Variants in PIK3C2G observed in about 807,000 individuals in gnomAD.
PIK3C2G encodes the protein phosphatidylinositol-4-phosphate 3-kinase catalytic subunit type 2 gamma.
PIK3C2G carries 168 observed loss-of-function variants against 181.1 expected under a neutral mutation model. The ratio of observed to expected loss-of-function variants is 0.93; its 90% CI spans 0.82 to 1.05. The LOEUF is 1.05. PIK3C2G is among the 50% of genes least tolerant of loss of function. The probability of loss-of-function intolerance (pLI) is 0.00; values close to 1 mark genes in which losing one functional copy is unlikely to be tolerated. For missense variants in PIK3C2G, 1,869 were observed against 1,732.8 expected, an observed-to-expected ratio of 1.08 and a Z score of -1.40; for synonymous variants, 573 against 592.2, an observed-to-expected ratio of 0.97 and a Z score of 0.47.
At chr12:18,696,343 T>TATAC in the PIK3C2G span, 2 of 243,304 alleles carry the variant, frequency 8.2e-6, no homozygotes, top group Non-Finnish European at 7.1e-6. Flanking sequence ...TATATATATA[T>TATAC]ATATATATCA....
chr12:18,597,857 GACAA>G (rs1233688077), intron 30 of PIK3C2G, among the ~76,000 whole-genome samples: 4 of 151,894 alleles, frequency 2.6e-5, no homozygotes, highest in African/African-American at 4.8e-5. Context: ...ACCAATAACA[GACAA>G]ACAGAGAGCC....
Position 18,426,363 on chromosome 12 carries a change from C to T in PIK3C2G, c.2504+2324C>T, listed in dbSNP as rs563241310. ...ATAATTGAGAGTTAAGAATAAAATC[C>T]TTCTAATGTTAAAAACTCACTTATT... On this transcript the variant is annotated intron_variant, in intron 18 of 32. Coordinates refer to ENST00000538779, the MANE Select transcript of PIK3C2G (RefSeq NM_001288772.2). Among the ~76,000 whole-genome samples, 37 of 151,928 alleles carry T rather than the reference C, an allele frequency of 2.4e-4. No homozygotes were observed. In the East Asian group the frequency reaches 6.6e-3, roughly 27 times the overall value.
intron 1 of PIK3C2G, among the ~76,000 whole-genome samples, chr12:18,274,132 T>C (rs1427340010): frequency 1.3e-5 from 2 of 152,116 alleles, no homozygotes; most frequent in East Asian, 3.9e-4. Context: ...AGAATGGTGA[T>C]CATTAAAAAG....
intron 31 of PIK3C2G, among the ~76,000 whole-genome samples, chr12:18,640,219 A>C (rs1949780485): frequency 6.6e-6 from 1 of 152,076 alleles, no homozygotes; most frequent in African/African-American, 2.4e-5. Context: ...ACAACACTTA[A>C]TTTAAGATGG....
the PIK3C2G span, among the ~76,000 whole-genome samples, chr12:18,668,999 G>A: frequency 5.3e-5 from 8 of 152,134 alleles, no homozygotes; most frequent in South Asian, 4.2e-4. Context: ...AATTTCCCCC[G>A]CTGAGCAAAA....
rs562249559 is a variant in PIK3C2G at position 18,248,277 on chromosome 12, G to T, written c.-79+195G>T. Among the ~76,000 whole-genome samples the T allele has an allele frequency of 3.9e-4, 60 of 152,130 alleles. 1 individual carries two copies. Among genetic ancestry groups the T allele is most frequent in the African/African-American group, 1.4e-3 (58 of 41,504 alleles). ...TACCTATTAACATGGGTAGTATTTG[G>T]ATAGAATTCTTCCGGGCGGGCGCGG... is the stretch of plus-strand genomic sequence containing the variant. On this transcript the variant is annotated intron_variant, in intron 1 of 11. Coordinates refer to the PIK3C2G transcript ENST00000535651.
intron 31 of PIK3C2G, among the ~76,000 whole-genome samples, chr12:18,621,818 G>A (rs866741923): frequency 2.2e-4 from 34 of 151,728 alleles, no homozygotes; most frequent in Middle Eastern, 3.4e-3. Flanking sequence ...TGAAGTACGA[G>A]ACCGTGCTAA....
chr12:18,427,678 T>A (rs938479252), intron 18 of PIK3C2G, among the ~76,000 whole-genome samples: 2 of 151,950 alleles, frequency 1.3e-5, no homozygotes, highest in African/African-American at 4.8e-5. Context: ...GCACACAAAG[T>A]GGTAAATCAA....
chr12:18,641,618 A>C (rs1184353160), intron 32 of PIK3C2G, among the ~76,000 whole-genome samples: 1 of 151,542 alleles, frequency 6.6e-6, no homozygotes, highest in Non-Finnish European at 1.5e-5. Flanking sequence ...CACATGATCC[A>C]TCCTCATCTC....
intron 16 of PIK3C2G, among the ~76,000 whole-genome samples, chr12:18,403,315 A>C (rs1375243003): frequency 1.3e-5 from 2 of 152,196 alleles, no homozygotes; most frequent in Non-Finnish European, 2.9e-5. Flanking sequence ...AAAGTTTCTT[A>C]TCATGCACCA....
chr12:18,601,943 A>G (rs994466094), intron 30 of PIK3C2G, among the ~76,000 whole-genome samples: 1 of 152,086 alleles, frequency 6.6e-6, no homozygotes, highest in Non-Finnish European at 1.5e-5. Context: ...GGGATCCATC[A>G]GTGGGGTGGC....
rs1313321474 is a variant in PIK3C2G at position 18,598,695 on chromosome 12, A to T, written c.4087+4126A>T. Among the ~76,000 whole-genome samples, 2 of 146,056 alleles carry T rather than the reference A, an allele frequency of 1.4e-5. 1 individual carries two copies. The highest frequency in any genetic ancestry group is 4.1e-4 in the East Asian group (2 of 4,928). Reference sequence around the variant, plus strand: ...CTTCTGCACAGCAAAAGAAACTACCATCAGAGTGAACAGGCAACCTACAAA... The same window carrying T: ...CTTCTGCACAGCAAAAGAAACTACCTTCAGAGTGAACAGGCAACCTACAAA... On this transcript the variant is annotated intron_variant, in intron 30 of 32. Coordinates refer to ENST00000538779, the MANE Select transcript of PIK3C2G (RefSeq NM_001288772.2).
the PIK3C2G span, among the ~76,000 whole-genome samples, chr12:18,721,994 C>T: frequency 6.6e-6 from 1 of 152,040 alleles, no homozygotes; most frequent in Non-Finnish European, 1.5e-5. Flanking sequence ...TCATCTCTCT[C>T]TCATTCTCAA....
chr12:18,325,069 T>C lies in PIK3C2G; in HGVS notation c.1243T>C (p.Phe415Leu), dbSNP rs1951276653. 6.3e-7 allele frequency: 1 copy of C among 1,576,364 alleles called. No homozygotes were observed. Among genetic ancestry groups the C allele is most frequent in the African/African-American group, 1.3e-5 (1 of 74,236 alleles). The change falls in exon 8 of 33, where the codon TTC becomes CTC. Residue 415 changes from phenylalanine to leucine, a missense_variant. Coordinates refer to ENST00000538779, the MANE Select transcript of PIK3C2G (RefSeq NM_001288772.2). ...CTTAACACTCATCAGAAAATATGACTTCCACCTGAAATACCTATTGAAAAC... is the reference window on the plus strand; with the variant it reads ...CTTAACACTCATCAGAAAATATGACCTCCACCTGAAATACCTATTGAAAAC... ...CLLTLIRKYD[F>L]HLKYLLKTQE...
At chr12:18,532,811 G>A (rs1489486251) in intron 24 of PIK3C2G, among the ~76,000 whole-genome samples, 1 of 152,076 alleles carries the variant, frequency 6.6e-6, no homozygotes, top group African/African-American at 2.4e-5. Context: ...GCTGGTGTAG[G>A]GGAGAAGTGG....
intron 29 of PIK3C2G, among the ~76,000 whole-genome samples, chr12:18,577,738 C>T (rs776798577): frequency 5.3e-5 from 8 of 152,074 alleles, no homozygotes; most frequent in South Asian, 2.1e-4. Context: ...TGGTAATTAA[C>T]GTAGTTGATT....
At chr12:18,671,699 A>G in the PIK3C2G span, among the ~76,000 whole-genome samples, 1 of 152,178 alleles carries the variant, frequency 6.6e-6, no homozygotes, top group Non-Finnish European at 1.5e-5. Context: ...AAGGCTCCAG[A>G]AAAATGATGA....
In PIK3C2G at chr12:18,450,029, A is replaced by C. The variant is rs528307379; in HGVS notation, c.2504+25990A>C. Among the ~76,000 whole-genome samples the C allele has an allele frequency of 2.9e-4, 44 of 152,288 alleles. 1 individual carries two copies. Among genetic ancestry groups the C allele is most frequent in the African/African-American group, 1.0e-3 (43 of 41,552 alleles). On this transcript the variant is annotated intron_variant, in intron 18 of 32. Coordinates refer to ENST00000538779, the MANE Select transcript of PIK3C2G (RefSeq NM_001288772.2). Reference sequence around the variant, plus strand: ...GGTTTTGATTTGCATTTCTCTAATAACCAGTGATGAGCTTTTTTTCACGTT... The same window carrying C: ...GGTTTTGATTTGCATTTCTCTAATACCCAGTGATGAGCTTTTTTTCACGTT...
At chr12:18,434,393 A>T (rs1946333021) in intron 18 of PIK3C2G, among the ~76,000 whole-genome samples, 1 of 152,204 alleles carries the variant, frequency 6.6e-6, no homozygotes, top group Non-Finnish European at 1.5e-5. Context: ...TCTCAAATGT[A>T]TTCCCTGAAC....
Sources: allele counts gnomAD v4.1 joint callset (sites outside exome capture counted in the v4.1 genomes callset), GRCh38; gene constraint gnomAD v4.1.1; transcripts MANE v1.5; gene names NCBI Gene and HGNC (gene_info 2026-07-23, HGNC 2026-07-21).